Variants in TNKS observed in about 807,000 individuals in gnomAD.
The protein encoded by TNKS is tankyrase.
In TNKS, 72 loss-of-function variants were observed where a neutral mutation model predicts 135.8. That is an observed-to-expected ratio of 0.53 (90% CI 0.44 to 0.64). The LOEUF (loss-of-function observed/expected upper bound fraction) is 0.64, where lower values mean the gene tolerates loss of function less well. Among genes scored for constraint, TNKS ranks in the 30% least tolerant of loss-of-function variants. TNKS has a pLI of 0.00. For synonymous variants in TNKS, 849 were observed against 649.3 expected (o/e 1.31, Z -4.68); for missense variants, 1,769 against 1,674.0 (o/e 1.06, Z -0.99).
At chr8:9,611,250 C>G (rs571648460) in intron 2 of TNKS, among the ~76,000 whole-genome samples, 67 of 152,228 alleles carry the variant, frequency 4.4e-4, no homozygotes, top group Non-Finnish European at 6.5e-4. Context: ...TTAATAATGT[C>G]CCAGTGGTTA....
At chr8:9,583,129 C>T (rs1436403400) in intron 2 of TNKS, among the ~76,000 whole-genome samples, 1 of 146,552 alleles carries the variant, frequency 6.8e-6, no homozygotes, top group Non-Finnish European at 1.5e-5. Context: ...TGCACCACTG[C>T]ACTCCAGCCT....
At chr8:9,585,794 G>T (rs530573926) in intron 2 of TNKS, among the ~76,000 whole-genome samples, 4 of 152,082 alleles carry the variant, frequency 2.6e-5, no homozygotes, top group Non-Finnish European at 4.4e-5. Flanking sequence ...AGACTGAGGG[G>T]ATCCTCACTG....
At chr8:9,716,698 C>T (rs576541728) in intron 11 of TNKS, among the ~76,000 whole-genome samples, 3 of 152,052 alleles carry the variant, frequency 2.0e-5, no homozygotes, top group Admixed American at 6.6e-5. Flanking sequence ...GTGTCTCCGT[C>T]GCTCCCTGTC....
intron 2 of TNKS, among the ~76,000 whole-genome samples, chr8:9,583,780 C>G (rs930247080): frequency 6.6e-6 from 1 of 152,060 alleles, no homozygotes; most frequent in Non-Finnish European, 1.5e-5. Flanking sequence ...AGCCACCGCA[C>G]CCAGCCTGTA....
At position 9,735,588 on chromosome 8, in the gene TNKS, C is replaced by A; in HGVS notation, c.2643+102C>A. 8 of 857,514 alleles carry A rather than the reference C, an allele frequency of 9.3e-6. No homozygotes were observed. The Admixed American group carries it at 1.6e-4, about 17-fold the overall frequency. The allele number at this position is 857,514 out of a possible 1,614,324, so 53.1% of individuals were successfully genotyped here. On this transcript the variant is annotated intron_variant, in intron 17 of 26. Transcript: ENST00000310430. Reference sequence around the variant, plus strand: ...GGCCGAGGAAGGTAGATCACGAGGTCAGGAGGTCGAGACAATCCTGGCTAA... The same window carrying A: ...GGCCGAGGAAGGTAGATCACGAGGTAAGGAGGTCGAGACAATCCTGGCTAA...
chr8:9,662,704 C>T (rs1169337005), intron 3 of TNKS, among the ~76,000 whole-genome samples: 3 of 152,108 alleles, frequency 2.0e-5, no homozygotes, highest in Non-Finnish European at 4.4e-5. Flanking sequence ...ATGTAACAAA[C>T]CTGCACGTTG....
intron 14 of TNKS, 103 bp downstream of exon 14, chr8:9,731,138 G>A (rs1310616823): frequency 1.7e-5 from 22 of 1,284,268 alleles, no homozygotes; most frequent in East Asian, 8.4e-5. Flanking sequence ...AAAAGTAATC[G>A]TTATTTTTTG....
At chr8:9,674,781 G>C (rs62491546) in intron 3 of TNKS, among the ~76,000 whole-genome samples, 17 of 152,292 alleles carry the variant, frequency 1.1e-4, no homozygotes, top group African/African-American at 3.4e-4. Flanking sequence ...GACAAGGAAA[G>C]GGTCTCTACC....
At chr8:9,562,685 T>C (rs1424980588) in intron 1 of TNKS, among the ~76,000 whole-genome samples, 1 of 152,114 alleles carries the variant, frequency 6.6e-6, no homozygotes, top group African/African-American at 2.4e-5. Context: ...AACTATAGGG[T>C]TTTTACTTAC....
chr8:9,731,460 C>CAAAAAAAAAAAAAAA (rs36213271), intron 14 of TNKS, among the ~76,000 whole-genome samples: 1 of 67,508 alleles, frequency 1.5e-5, no homozygotes, highest in African/African-American at 5.3e-5. Flanking sequence ...AATTCCATCT[C>CAAAAAAAAAAAAAAA]AAAAAAAAAA....
intron 5 of TNKS, among the ~76,000 whole-genome samples, chr8:9,684,148 T>G (rs1802894313): frequency 6.6e-6 from 1 of 152,020 alleles, no homozygotes; most frequent in Non-Finnish European, 1.5e-5. Context: ...AATTCATTAT[T>G]GCCATTAGGT....
chr8:9,696,678 C>T (rs997927680), intron 5 of TNKS, among the ~76,000 whole-genome samples: 1 of 152,108 alleles, frequency 6.6e-6, no homozygotes, highest in African/African-American at 2.4e-5. Flanking sequence ...AGAGTCAAAT[C>T]AAGATCTCAA....
At chr8:9,649,313 C>T (rs1801044859) in intron 3 of TNKS, among the ~76,000 whole-genome samples, 1 of 152,104 alleles carries the variant, frequency 6.6e-6, no homozygotes, top group South Asian at 2.1e-4. Context: ...TTTCTTGTTT[C>T]TCCAGAGAAT....
intron 1 of TNKS, among the ~76,000 whole-genome samples, chr8:9,570,960 C>G (rs1402679562): frequency 1.3e-5 from 2 of 152,072 alleles, no homozygotes; most frequent in Non-Finnish European, 2.9e-5. Flanking sequence ...TAGAGTAAGA[C>G]CTGTCTCTTA....
chr8:9,644,438 G>T (rs899245228), intron 3 of TNKS, among the ~76,000 whole-genome samples: 1 of 152,138 alleles, frequency 6.6e-6, no homozygotes, highest in Non-Finnish European at 1.5e-5. Context: ...ATATTTGCAT[G>T]CTGCTACTTG....
intron 15 of TNKS, 117 bp downstream of exon 15, chr8:9,733,561 C>T: frequency 2.5e-6 from 2 of 811,974 alleles, no homozygotes; most frequent in Admixed American, 2.9e-5. Context: ...AGAGACTGCT[C>T]TCATTTTCTA....
At chr8:9,577,013 AG>A (rs1475302832) in intron 1 of TNKS, among the ~76,000 whole-genome samples, 6 of 152,344 alleles carry the variant, frequency 3.9e-5, no homozygotes, top group South Asian at 2.1e-4. Flanking sequence ...GGAAGCAAAG[AG>A]GGGACTAGGA....
rs548702592 is a variant in TNKS at position 9,661,465 on chromosome 8, C to G, written c.995-18486C>G. ...ACTATCTGATTTTTGACAAGCCTGA[C>G]AAAAACAAGCAATGGGGAAAGGATT... On this transcript the variant is annotated intron_variant, in intron 3 of 26. Transcript: ENST00000310430. Among the ~76,000 whole-genome samples the G allele has an allele frequency of 7.8e-4, 118 of 151,994 alleles. 1 individual carries two copies. The highest frequency in any genetic ancestry group is 2.3e-3 in the African/African-American group (96 of 41,504).
chr8:9,654,864 G>A (rs965930428), intron 3 of TNKS, among the ~76,000 whole-genome samples: 9 of 152,214 alleles, frequency 5.9e-5, no homozygotes, highest in Non-Finnish European at 8.8e-5. Flanking sequence ...CTGAGGTACC[G>A]GATTCATCTC....
Sources: gnomAD v4.1 joint callset for allele counts (sites outside exome capture counted in the v4.1 genomes callset) on GRCh38, gnomAD v4.1.1 for gene constraint, MANE v1.5 for transcripts, NCBI Gene and HGNC (gene_info 2026-07-23, HGNC 2026-07-21) for gene names.